Variants in ZFPM2 observed in about 807,000 individuals in gnomAD.
The protein encoded by ZFPM2 is zinc finger protein ZFPM2.
In ZFPM2, 20 loss-of-function variants were observed where a neutral mutation model predicts 98.6. That is an observed-to-expected ratio of 0.20 (90% CI 0.14 to 0.29). The LOEUF (loss-of-function observed/expected upper bound fraction) is 0.29. Among genes scored for constraint, ZFPM2 ranks in the 10% least tolerant of loss-of-function variants. ZFPM2 has a pLI of 1.00. For missense variants in ZFPM2, 1,310 were observed against 1,388.6 expected (o/e 0.94, Z 0.90); for synonymous variants, 518 against 502.7 (o/e 1.03, Z -0.41).
At chr8:105,752,067 C>T (rs1812490475) in intron 5 of ZFPM2, among the ~76,000 whole-genome samples, 1 of 152,052 alleles carries the variant, frequency 6.6e-6, no homozygotes, top group Non-Finnish European at 1.5e-5. Context: ...ACAGTTTTTA[C>T]ATTATAACCC....
intron 1 of ZFPM2, among the ~76,000 whole-genome samples, chr8:105,325,973 CTTA>C (rs1812106102): frequency 6.6e-6 from 1 of 151,616 alleles, no homozygotes; most frequent in South Asian, 2.1e-4. Context: ...TTCCTAGTCT[CTTA>C]TTAATATCAA....
intron 3 of ZFPM2, among the ~76,000 whole-genome samples, chr8:105,454,376 C>T (rs1478619627): frequency 2.0e-5 from 3 of 152,160 alleles, no homozygotes; most frequent in Admixed American, 6.5e-5. Context: ...TCAGTACTGC[C>T]TACACATTGC....
chr8:105,601,362 G>A (rs1586491609), intron 4 of ZFPM2, among the ~76,000 whole-genome samples: 1 of 152,104 alleles, frequency 6.6e-6, no homozygotes. Flanking sequence ...GGACTCCAGA[G>A]AATTCATCAC....
At chr8:105,508,550 G>A (rs1419355197) in intron 3 of ZFPM2, among the ~76,000 whole-genome samples, 2 of 152,126 alleles carry the variant, frequency 1.3e-5, no homozygotes, top group African/African-American at 2.4e-5. Flanking sequence ...ACGTCTTGCA[G>A]GCAGGCGCCT....
At chr8:105,385,596 A>T (rs1810972002) in intron 1 of ZFPM2, among the ~76,000 whole-genome samples, 1 of 152,170 alleles carries the variant, frequency 6.6e-6, no homozygotes, top group African/African-American at 2.4e-5. Flanking sequence ...TACGTATCTT[A>T]GTGAAACACC....
intron 3 of ZFPM2, among the ~76,000 whole-genome samples, chr8:105,517,410 C>T (rs547910828): frequency 6.6e-6 from 1 of 152,088 alleles, no homozygotes; most frequent in African/African-American, 2.4e-5. Context: ...ATATAATTGA[C>T]AAATAAAAAT....
intron 1 of ZFPM2, among the ~76,000 whole-genome samples, chr8:105,386,784 C>T (rs1010185799): frequency 5.3e-5 from 8 of 152,026 alleles, no homozygotes; most frequent in Non-Finnish European, 1.0e-4. Flanking sequence ...CTGATTGGTC[C>T]GTTTTGACAG....
chr8:105,691,734 T>TGGTAGTGAGGGTA (rs1264746204), intron 5 of ZFPM2, among the ~76,000 whole-genome samples: 1 of 152,230 alleles, frequency 6.6e-6, no homozygotes, highest in Non-Finnish European at 1.5e-5. Context: ...GTGTGAACCC[T>TGGTAGTGAGGGTA]GTGAGGGTAG....
chr8:105,323,361 A>C (rs1459030909), intron 1 of ZFPM2, among the ~76,000 whole-genome samples: 1 of 151,698 alleles, frequency 6.6e-6, no homozygotes, highest in African/African-American at 2.4e-5. Context: ...AATTTTAGGG[A>C]TAATTGAATA....
At chr8:105,383,672 G>A (rs1469362811) in intron 1 of ZFPM2, among the ~76,000 whole-genome samples, 1 of 151,936 alleles carries the variant, frequency 6.6e-6, no homozygotes, top group East Asian at 1.9e-4. Flanking sequence ...AGTCTTAGTG[G>A]TCCGGAGTAT....
rs771125431 is a variant in ZFPM2, at chr8:105,649,225, T to G, written c.532+14868T>G. 6.6e-4 allele frequency among the ~76,000 whole-genome samples: 100 copies of G among 152,256 alleles called. 1 individual carries two copies. Among genetic ancestry groups the G allele is most frequent in the Admixed American group, 1.2e-3 (18 of 15,284 alleles). ...AATGCTTGTGATTTTTGCACAATGA[T>G]TTTTGTATCCTGAGACTTTGCTGAA... On this transcript the variant is annotated intron_variant, in intron 5 of 7. Coordinates refer to ENST00000407775, the MANE Select transcript of ZFPM2 (RefSeq NM_012082.4).
intron 5 of ZFPM2, among the ~76,000 whole-genome samples, chr8:105,674,707 A>T (rs1413361844): frequency 6.6e-6 from 1 of 152,176 alleles, no homozygotes; most frequent in Non-Finnish European, 1.5e-5. Context: ...ACACTCTTAT[A>T]TTAGGTCTTT....
chr8:105,755,699 T>C (rs977478676), intron 5 of ZFPM2, among the ~76,000 whole-genome samples: 182 of 152,254 alleles, frequency 1.2e-3, no homozygotes, highest in Non-Finnish European at 7.4e-4. Flanking sequence ...AATCCACTTG[T>C]CTTATTATGT....
chr8:105,386,962 A>T (rs895877409), intron 1 of ZFPM2, among the ~76,000 whole-genome samples: 2 of 152,138 alleles, frequency 1.3e-5, no homozygotes, highest in South Asian at 4.1e-4. Context: ...TGCATTCACA[A>T]ACTCTGAGCT....
At position 105,650,213 on chromosome 8, in the gene ZFPM2, G is replaced by A. The variant is rs182024297; in HGVS notation, c.532+15856G>A. On this transcript the variant is annotated intron_variant, in intron 5 of 7. Transcript: ENST00000407775. ...TGGTAGTTTGTATTTCTATGGGATC[G>A]GTGGTGATATCCCTTTTATCACTTT... 4.8e-3 allele frequency among the ~76,000 whole-genome samples: 728 copies of A among 152,082 alleles called. 5 individuals are homozygous for A. The highest frequency in any genetic ancestry group is 0.017 in the African/African-American group (689 of 41,512).
intron 3 of ZFPM2, among the ~76,000 whole-genome samples, chr8:105,493,358 G>T (rs1241184490): frequency 6.6e-6 from 1 of 152,108 alleles, no homozygotes; most frequent in Non-Finnish European, 1.5e-5. Flanking sequence ...AATCCTTTTT[G>T]GAAAAGCAGG....
intron 6 of ZFPM2, among the ~76,000 whole-genome samples, chr8:105,793,771 G>A (rs981735890): frequency 1.3e-5 from 2 of 151,414 alleles, no homozygotes; most frequent in Non-Finnish European, 2.9e-5. Context: ...ATTTCTTGGA[G>A]GCTTTGTTTG....
chr8:105,494,837 T>C (rs1813428638), intron 3 of ZFPM2, among the ~76,000 whole-genome samples: 1 of 152,180 alleles, frequency 6.6e-6, no homozygotes. Context: ...TTTAGGTTTT[T>C]AGGCCAAAAG....
intron 2 of ZFPM2, among the ~76,000 whole-genome samples, chr8:105,428,489 A>G (rs1212197070): frequency 6.6e-6 from 1 of 152,202 alleles, no homozygotes; most frequent in Admixed American, 6.5e-5. Flanking sequence ...AAAGACATTC[A>G]ATAAGCTACA....
Sources: allele counts gnomAD v4.1 joint callset (sites outside exome capture counted in the v4.1 genomes callset), GRCh38; gene constraint gnomAD v4.1.1; transcripts MANE v1.5; gene names NCBI Gene and HGNC (gene_info 2026-07-23, HGNC 2026-07-21).